The following DNAH2 variants were observed in gnomAD, a reference collection of about 807,000 sequenced individuals.
DNAH2 encodes the protein dynein axonemal heavy chain 2.
In DNAH2, 323 loss-of-function variants were observed where a neutral mutation model predicts 523.5. The ratio of observed to expected loss-of-function variants is 0.62; its 90% CI spans 0.56 to 0.68. The LOEUF (loss-of-function observed/expected upper bound fraction) is 0.68. Ranked by LOEUF, DNAH2 falls within the 30% of genes least tolerant of loss-of-function variation. The probability of loss-of-function intolerance (pLI) is 0.00; values close to 1 mark genes in which losing one functional copy is unlikely to be tolerated. For synonymous variants in DNAH2, 2,093 were observed against 2,177.4 expected (o/e 0.96, Z 1.08); for missense variants, 4,907 against 5,701.5 (o/e 0.86, Z 4.49).
rs149503898 is a variant in DNAH2, at chr17:7,793,100, C to T, written c.7464C>T (p.Pro2488=). 149 of 1,614,194 alleles carry T rather than the reference C, an allele frequency of 9.2e-5. 3 individuals are homozygous for T. The highest frequency in any genetic ancestry group is 5.6e-4 in the South Asian group (51 of 91,086). Residue 2488 remains proline (P), a synonymous_variant, in exon 48 of 86, where the codon CCC becomes CCT. Transcript: ENST00000572933. Reference sequence around the variant, plus strand: ...CCTTTATGGATGACCTAAATATGCCCGCTAAGGACATGTTTGGGTCCCAGC... The same window carrying T: ...CCTTTATGGATGACCTAAATATGCCTGCTAAGGACATGTTTGGGTCCCAGC... ...MITFMDDLNM[P]AKDMFGSQPP...
At chr17:7,737,408 C>A (rs1412433004) in intron 8 of DNAH2, 150 bp downstream of exon 8, 2 of 868,104 alleles carry the variant, frequency 2.3e-6, no homozygotes, top group Admixed American at 2.8e-5. Context: ...AGGCTTCTAC[C>A]GGCATGATCT....
chr17:7,780,750 C>T lies in DNAH2; in HGVS notation c.5971C>T (p.Arg1991Cys), dbSNP rs762353376. The T allele has an allele frequency of 8.7e-6, 14 of 1,614,120 alleles. No homozygotes were observed. Among genetic ancestry groups the T allele is most frequent in the Non-Finnish European group, 1.1e-5 (13 of 1,180,060 alleles). ...CCTTCTGCGCTATGCTGGCAAGAAG[C>T]GCCGCCTACAGCCGGATCTGACTGA... ...TSLLRYAGKK[R>C]RLQPDLTDEE... The change falls in exon 38 of 86, where the codon CGC becomes TGC. Residue 1991 changes from arginine to cysteine, a missense_variant. By Grantham distance (180) the Arg-to-Cys change is radical. Transcript: ENST00000572933. This position sits in a 1 kb window ranked among gnomAD's most constrained non-coding sequence, Gnocchi z 4.4.
chr17:7,741,323 C>CTCCCTCTCTCCCTCCTTCCT (rs58952947), intron 11 of DNAH2, among the ~76,000 whole-genome samples: 1 of 59,308 alleles, frequency 1.7e-5, no homozygotes. Context: ...CCCTCCCTCC[C>CTCCCTCTCTCCCTCCTTCCT]TCCTTCCTTC....
chr17:7,792,019 A>G lies in DNAH2; in HGVS notation c.7003A>G (p.Lys2335Glu). 6.2e-7 allele frequency: 1 copy of G among 1,613,340 alleles called. No individual in the cohort carries two copies. The highest frequency in any genetic ancestry group is 1.1e-5 in the South Asian group (1 of 91,002). The change falls in exon 45 of 86, where the codon AAG becomes GAG. Residue 2335 changes from lysine (K) to glutamate (E), a missense_variant. Lys to Glu is a moderately conservative substitution (Grantham distance 56, BLOSUM62 1). Transcript: ENST00000572933. Reference sequence around the variant, plus strand: ...TGCCTCTGTGGATGAGGAGGGCCGGAAGAGGATCGACAGCTACCTCCGAGA... The same window carrying G: ...TGCCTCTGTGGATGAGGAGGGCCGGGAGAGGATCGACAGCTACCTCCGAGA... The part of the protein sequence containing the change: ...VCASVDEEGR[K>E]RIDSYLREIE...
At position 7,831,865 on chromosome 17, in the gene DNAH2, A is replaced by C; in HGVS notation, c.12726+90A>C. The C allele has an allele frequency of 8.3e-7, 1 of 1,210,770 alleles. No homozygotes were observed. Among genetic ancestry groups the C allele is most frequent in the Non-Finnish European group, 1.2e-6 (1 of 860,650 alleles). The allele number at this position is 1,210,770 out of a possible 1,614,324, so 75.0% of individuals were successfully genotyped here. A position where few individuals can be genotyped will look rare whatever the true frequency, so the allele number is the denominator to read the frequency against. On this transcript the variant is annotated intron_variant, in intron 82 of 85. Transcript: ENST00000572933. The surrounding 1 kb of genome is among the most constrained non-coding windows in gnomAD (Gnocchi z 4.2). The stretch of plus-strand genomic sequence containing the variant: ...AATCTCCTGGTTCTAGGTGGGCATA[A>C]AGCAAACTGCAGAGAGCCGAAACTT...
At position 7,778,092 on chromosome 17, in the gene DNAH2, GTC is replaced by G. The variant is rs2076505473; in HGVS notation, c.5264_5265del (p.Val1755AspfsTer11). 1 of 1,614,070 alleles carries G rather than the reference GTC, an allele frequency of 6.2e-7. No homozygotes were observed. On this transcript the variant is annotated frameshift_variant, in exon 34 of 86. Transcript: ENST00000572933. LOFTEE classifies it high-confidence loss of function. The part of the protein sequence containing the change: ...FYWEKDLDDC[V>X]IRQTNTQFQY... ...TTTTCCCCAGGATCTTGATGACTGT[GTC>G]ATCCGCCAGACCAACACGCAATTTC...
rs201637061 is a variant in DNAH2, at chr17:7,823,956, G to A, written c.11452G>A (p.Glu3818Lys). 44 of 1,613,662 alleles carry A rather than the reference G, an allele frequency of 2.7e-5. No individual in the cohort carries two copies. In the East Asian group the frequency reaches 3.6e-4, roughly 13 times the overall value. ...CACCAACCTTGGCTCCCGCTTCATC[G>A]AGCCGCCTGTGCTGAATATGAAGTC... ...IITNLGSRFI[E>K]PPVLNMKSVL... is the part of the protein sequence containing the mutation. Residue 3818 changes from glutamate (E) to lysine (K), a missense_variant, in exon 75 of 86, where the codon GAG becomes AAG. Around this residue, in one of 3 missense-constraint regions of DNAH2, gnomAD observed 1,851 missense variants for 2,139.4 expected, o/e 0.87. Transcript: ENST00000572933.
intron 73 of DNAH2, among the ~76,000 whole-genome samples, chr17:7,822,502 G>A (rs1432940092): frequency 6.6e-6 from 1 of 152,002 alleles, no homozygotes; most frequent in Non-Finnish European, 1.5e-5. Flanking sequence ...ACCTCAATGC[G>A]ACCTTGATCT....
At chr17:7,758,364 C>T in intron 13 of DNAH2, 131 bp from the exon 14 acceptor site, 1 of 1,179,180 alleles carries the variant, frequency 8.5e-7, no homozygotes, top group Non-Finnish European at 1.2e-6. Context: ...TTTGGAAGTA[C>T]TAGTCTAGAA....
intron 6 of DNAH2, 60 bp downstream of exon 6, chr17:7,734,353 C>G (rs2075079709): frequency 1.2e-6 from 2 of 1,601,894 alleles, no homozygotes; most frequent in East Asian, 4.5e-5. Context: ...AAAGGGGAGG[C>G]TCGGATGCTG....
chr17:7,743,328 A>G (rs991163223), intron 12 of DNAH2, 186 bp downstream of exon 12: 11 of 726,458 alleles, frequency 1.5e-5, no homozygotes, highest in African/African-American at 8.8e-5. Context: ...CCACCCTGCT[A>G]TCAACATTTT....
At chr17:7,764,886 A>G (rs1597582216) in intron 20 of DNAH2, among the ~76,000 whole-genome samples, 1 of 115,680 alleles carries the variant, frequency 8.6e-6, no homozygotes, top group Non-Finnish European at 1.6e-5. Flanking sequence ...TCCATTACCC[A>G]GGCTGGAGTG....
intron 16 of DNAH2, 56 bp downstream of exon 16, chr17:7,759,666 T>G (rs2075950344): frequency 6.2e-7 from 1 of 1,600,484 alleles, no homozygotes; most frequent in African/African-American, 1.3e-5. Context: ...TTTGTCAGTT[T>G]CCCTTAATTC....
At chr17:7,733,048 G>C in intron 4 of DNAH2, 39 bp from the exon 5 acceptor site, 1 of 1,603,862 alleles carries the variant, frequency 6.2e-7, no homozygotes, top group Non-Finnish European at 8.5e-7. Flanking sequence ...TCATGGCTGG[G>C]CCTGGAGACT....
chr17:7,823,375 A>G (rs1031468436), intron 73 of DNAH2, 67 bp from the exon 74 acceptor site: 6 of 1,300,842 alleles, frequency 4.6e-6, no homozygotes, highest in Non-Finnish European at 6.5e-6. Context: ...GAGAGAGGAG[A>G]AAAAGATCAC....
chr17:7,776,476 A>G (rs1365998524), intron 31 of DNAH2, among the ~76,000 whole-genome samples: 4 of 152,130 alleles, frequency 2.6e-5, no homozygotes, highest in Non-Finnish European at 5.9e-5. Context: ...AAAAAAGAGA[A>G]AAAAAGAAAG....
At chr17:7,818,124 A>T in intron 68 of DNAH2, 28 bp downstream of exon 68, 1 of 1,608,648 alleles carries the variant, frequency 6.2e-7, no homozygotes. Context: ...AGACCAGCCA[A>T]GTGGGATGCT....
Position 7,759,883 on chromosome 17 carries a change from C to G in DNAH2, c.2730C>G (p.Leu910=), listed in dbSNP as rs1245461348. 1.2e-6 allele frequency: 2 copies of G among 1,614,122 alleles called. No individual in the cohort carries two copies. Among genetic ancestry groups the G allele is most frequent in the African/African-American group, 2.7e-5 (2 of 74,934 alleles). The part of the protein sequence containing the change: ...LFSTISVFCH[L]PDILTKRKLH... ...CCACCATCTCTGTCTTCTGCCACCT[C>G]CCTGACATTCTCACCAAGCGCAAGT... The change falls in exon 17 of 86, where the codon CTC becomes CTG. Residue 910 remains leucine (L), a synonymous_variant. Transcript: ENST00000572933.
rs766890109 is a variant in DNAH2 at position 7,817,312 on chromosome 17, A to G, written c.9917A>G (p.Tyr3306Cys). ...CAGGGCCTGGAGGAGGACCTGGGCTACCTGGTGGGGGACTGTCTCCTGGCA... is the reference window on the plus strand; with the variant it reads ...CAGGGCCTGGAGGAGGACCTGGGCTGCCTGGTGGGGGACTGTCTCCTGGCA... ...TVQGLEEDLG[Y>C]LVGDCLLAAA... The change falls in exon 65 of 86, where the codon TAC becomes TGC. Residue 3306 changes from tyrosine to cysteine, a missense_variant. Physicochemically the swap from Tyr to Cys is radical, Grantham distance 194. Transcript: ENST00000572933. 1.2e-6 allele frequency: 2 copies of G among 1,604,014 alleles called. No homozygotes were observed. Among genetic ancestry groups the G allele is most frequent in the South Asian group, 1.1e-5 (1 of 89,308 alleles).
Sources: gnomAD v4.1 joint callset for allele counts (sites outside exome capture counted in the v4.1 genomes callset) on GRCh38, gnomAD v4.1.1 for gene constraint, gnomAD v4.1.1 regional missense constraint, Gnocchi (gnomAD v3.1) non-coding constraint, MANE v1.5 for transcripts, NCBI Gene and HGNC (gene_info 2026-07-23, HGNC 2026-07-21) for gene names.